The following CDC25C variants were observed in gnomAD, a reference collection of about 807,000 sequenced individuals.
CDC25C encodes the protein cell division cycle 25C.
A neutral mutation model predicts 52.5 loss-of-function variants in CDC25C; 48 were observed. That is an observed-to-expected ratio of 0.91 (90% CI 0.72 to 1.16). The LOEUF (loss-of-function observed/expected upper bound fraction) is 1.16, where lower values mean the gene tolerates loss of function less well. Among genes scored for constraint, CDC25C ranks in the 50% most tolerant of loss-of-function variants. CDC25C has a pLI of 0.00. For missense variants in CDC25C, 510 were observed against 566.1 expected, an observed-to-expected ratio of 0.90 and a Z score of 1.01; for synonymous variants, 187 against 206.5, an observed-to-expected ratio of 0.91 and a Z score of 0.81.
rs1269868265 is a variant in CDC25C, at chr5:138,285,827, T to C, written c.1287A>G (p.Pro429=). 1.2e-6 allele frequency: 2 copies of C among 1,614,042 alleles called. No individual in the cohort carries two copies. The highest frequency in any genetic ancestry group is 1.3e-5 in the African/African-American group (1 of 74,920). The change falls in exon 14 of 14, where the codon CCA becomes CCG. Residue 429 remains proline, a synonymous_variant. Transcript: ENST00000323760. ...FFPEYMELCE[P]QSYCPMHHQD... is the part of the protein sequence containing the mutation. ...GATGATGCATAGGGCAGTAGCTCTG[T>C]GGTTCACACAGTTCCTGAAAGGTAA... is the stretch of plus-strand genomic sequence containing the variant.
At chr5:138,331,501 G>A in intron 1 of CDC25C, 94 bp downstream of exon 1, 1 of 962,286 alleles carries the variant, frequency 1.0e-6, no homozygotes, top group Non-Finnish European at 1.3e-6. Flanking sequence ...TCCCCATTCG[G>A]CCCTCCCAAC....
intron 7 of CDC25C, among the ~76,000 whole-genome samples, chr5:138,307,177 A>G (rs1758073088): frequency 6.6e-6 from 1 of 152,000 alleles, no homozygotes; most frequent in Non-Finnish European, 1.5e-5. Context: ...ACCTACTGCT[A>G]TGCATATTCT....
intron 3 of CDC25C, 22 bp downstream of exon 3, chr5:138,329,531 C>T (rs778171925): frequency 1.4e-6 from 2 of 1,417,336 alleles, no homozygotes; most frequent in South Asian, 1.2e-5. Flanking sequence ...CCCTTTGAGG[C>T]CTTTATCTCC....
Position 138,285,713 on chromosome 5 carries a change from C to T in CDC25C, c.1401G>A (p.Leu467=), listed in dbSNP as rs757102742. ...ERQLREQIAL[L]VKDMSP is the part of the protein sequence containing the mutation. ...GTTATCATGGGCTCATGTCCTTCAC[C>T]AGAAGGGCAATCTGCTCCCGCAGCT... The change falls in exon 14 of 14, where the codon CTG becomes CTA. Residue 467 remains leucine (L), a synonymous_variant. Coordinates refer to ENST00000323760, the MANE Select transcript of CDC25C (RefSeq NM_001790.5). 2.5e-6 allele frequency: 4 copies of T among 1,614,078 alleles called. No homozygotes were observed. Among genetic ancestry groups the T allele is most frequent in the Middle Eastern group, 1.7e-4 (1 of 6,026 alleles).
At chr5:138,311,133 C>T (rs755187124) in intron 7 of CDC25C, among the ~76,000 whole-genome samples, 11 of 152,132 alleles carry the variant, frequency 7.2e-5, no homozygotes, top group Non-Finnish European at 1.5e-4. Flanking sequence ...TTTACATTCC[C>T]ACCAGCAATG....
chr5:138,290,556 T>A, intron 9 of CDC25C, 83 bp downstream of exon 9: 1 of 803,496 alleles, frequency 1.2e-6, no homozygotes, highest in Non-Finnish European at 2.2e-6. Context: ...GATGCATATT[T>A]ACACCAGGCA....
upstream of CDC25C, among the ~76,000 whole-genome samples, chr5:138,332,341 G>T (rs1346364283): frequency 6.6e-6 from 1 of 152,146 alleles, no homozygotes; most frequent in African/African-American, 2.4e-5. Flanking sequence ...AAGTGTTGGG[G>T]CGAGACGGGT....
chr5:138,306,328 C>T (rs971203827), intron 7 of CDC25C, among the ~76,000 whole-genome samples: 2 of 152,058 alleles, frequency 1.3e-5, no homozygotes, highest in Admixed American at 6.6e-5. Context: ...CATCGTATCA[C>T]CAGTGCCTAG....
chr5:138,307,490 CAAAAAAAAAAAAA>C (rs57593237), intron 7 of CDC25C, among the ~76,000 whole-genome samples: 2 of 88,248 alleles, frequency 2.3e-5, no homozygotes, highest in Non-Finnish European at 4.1e-5. Flanking sequence ...GAGACTGCCA[CAAAAAAAAAAAAA>C]AAAAAAAAGA....
At chr5:138,327,620 G>A (rs532124067) in intron 4 of CDC25C, among the ~76,000 whole-genome samples, 1 of 152,276 alleles carries the variant, frequency 6.6e-6, no homozygotes, top group Non-Finnish European at 1.5e-5. Flanking sequence ...CTTGGCAACA[G>A]AGCCAGACTC....
upstream of CDC25C, among the ~76,000 whole-genome samples, chr5:138,334,100 A>C (rs1175830706): frequency 6.6e-6 from 1 of 152,028 alleles, no homozygotes; most frequent in South Asian, 2.1e-4. Flanking sequence ...CGCCTGGCTG[A>C]TTTTTGTATT....
upstream of CDC25C, among the ~76,000 whole-genome samples, chr5:138,336,061 AT>A (rs1416249732): frequency 6.6e-6 from 1 of 151,628 alleles, no homozygotes; most frequent in East Asian, 1.9e-4. Context: ...AAAAATGAGA[AT>A]ATATATCAAA....
intron 7 of CDC25C, among the ~76,000 whole-genome samples, chr5:138,310,660 A>T (rs1000608758): frequency 1.3e-5 from 2 of 152,224 alleles, no homozygotes; most frequent in Non-Finnish European, 2.9e-5. Context: ...AAGAAATTGA[A>T]CACAAGGAGA....
In CDC25C at chr5:138,331,175, A is replaced by T. The variant is rs1760351676; in HGVS notation, c.6T>A (p.Ser2=). The T allele has an allele frequency of 6.2e-7, 1 of 1,613,978 alleles. No homozygotes were observed. Among genetic ancestry groups the T allele is most frequent in the African/African-American group, 1.3e-5 (1 of 74,918 alleles). The change falls in exon 2 of 14, where the codon TCT becomes TCA. Residue 2 remains serine (S), a synonymous_variant. Coordinates refer to ENST00000323760, the MANE Select transcript of CDC25C (RefSeq NM_001790.5). M[S]TELFSSTREE... is the part of the protein sequence containing the mutation. ...CTCTTGTGGATGAGAAGAGTTCCGT[A>T]GACATGGTCTTCGAATTCTCACCAG...
chr5:138,329,438 C>T, intron 3 of CDC25C, 115 bp downstream of exon 3: 1 of 657,544 alleles, frequency 1.5e-6, no homozygotes, highest in Non-Finnish European at 2.6e-6. Context: ...AAAATTCCAT[C>T]TCTCTAGGCA....
chr5:138,298,789 C>A (rs1018508907), intron 7 of CDC25C, among the ~76,000 whole-genome samples: 1 of 151,752 alleles, frequency 6.6e-6, no homozygotes, highest in Non-Finnish European at 1.5e-5. Flanking sequence ...ATAAAATAAG[C>A]CTCAATAAAT....
intron 7 of CDC25C, among the ~76,000 whole-genome samples, chr5:138,313,379 CAAAAAAAAAAAAA>C (rs774904685): frequency 1.3e-4 from 5 of 37,074 alleles, no homozygotes; most frequent in Admixed American, 8.5e-4. Context: ...CTATATCTCA[CAAAAAAAAAAAAA>C]AAAAAAAAAA....
In CDC25C at chr5:138,286,535, C is replaced by A. The variant is rs1425546926; in HGVS notation, c.1122G>T (p.Val374=). 1 of 1,613,936 alleles carries A rather than the reference C, an allele frequency of 6.2e-7. No homozygotes were observed. The highest frequency in any genetic ancestry group is 2.2e-5 in the East Asian group (1 of 44,876). The change falls in exon 12 of 14, where the codon GTG becomes GTT. Residue 374 remains valine (V), a synonymous_variant. Coordinates refer to ENST00000323760, the MANE Select transcript of CDC25C (RefSeq NM_001790.5). Reference sequence around the variant, plus strand: ...TCTCTGAGGAGAATTCACAGTGGAACACGATGATTATTCTCTTCTGGGTGT... The same window carrying A: ...TCTCTGAGGAGAATTCACAGTGGAAAACGATGATTATTCTCTTCTGGGTGT... The part of the protein sequence containing the change: ...PLDTQKRIII[V]FHCEFSSERG...
exon 1 of CDC25C, chr5:138,338,284 G>T (rs1188577123): frequency 3.6e-6 from 3 of 839,450 alleles, no homozygotes; most frequent in Non-Finnish European, 5.2e-6. Context: ...TCCGGCCGCG[G>T]CCCTGGGAGC....
Sources: allele counts gnomAD v4.1 joint callset (sites outside exome capture counted in the v4.1 genomes callset), GRCh38; gene constraint gnomAD v4.1.1; transcripts MANE v1.5; gene names NCBI Gene and HGNC (gene_info 2026-07-23, HGNC 2026-07-21).